Variants in ZNRF2 observed in about 807,000 individuals in gnomAD.
The protein encoded by ZNRF2 is E3 ubiquitin-protein ligase ZNRF2.
A neutral mutation model predicts 20.4 loss-of-function variants in ZNRF2; 16 were observed. That is an observed-to-expected ratio of 0.79 (90% CI 0.53 to 1.19). The LOEUF (loss-of-function observed/expected upper bound fraction) is 1.19. ZNRF2 is among the 50% of genes most tolerant of loss of function. The probability of loss-of-function intolerance (pLI) is 0.00; values close to 1 mark genes in which losing one functional copy is unlikely to be tolerated. For missense variants in ZNRF2, 363 were observed against 332.4 expected (o/e 1.09, Z -0.72); for synonymous variants, 178 against 144.9 (o/e 1.23, Z -1.64).
intron 3 of ZNRF2, among the ~76,000 whole-genome samples, chr7:30,356,699 ATTTTTTTTTTTTTTT>A: frequency 1.4e-5 from 1 of 73,232 alleles, no homozygotes; most frequent in South Asian, 5.5e-4. Flanking sequence ...ATAACATTGT[ATTTTTTTTTTTTTTT>A]TTTTTTTTTG....
intron 2 of ZNRF2, among the ~76,000 whole-genome samples, chr7:30,346,157 T>C (rs1389821918): frequency 6.7e-6 from 1 of 149,386 alleles, no homozygotes; most frequent in Middle Eastern, 3.4e-3. Flanking sequence ...TTTTTTTTTT[T>C]CTGTTAAGTC....
chr7:30,340,503 A>G (rs1186243557), intron 2 of ZNRF2, among the ~76,000 whole-genome samples: 3 of 152,156 alleles, frequency 2.0e-5, no homozygotes, highest in Non-Finnish European at 4.4e-5. Context: ...TGAGATAATC[A>G]TGTGGTTTTT....
At chr7:30,301,600 A>G (rs1799115215) in intron 1 of ZNRF2, among the ~76,000 whole-genome samples, 1 of 151,356 alleles carries the variant, frequency 6.6e-6, no homozygotes, top group Non-Finnish European at 1.5e-5. Flanking sequence ...GGCACTGGGC[A>G]TGGTACTCTG....
chr7:30,340,155 C>T (rs966950944), intron 2 of ZNRF2, among the ~76,000 whole-genome samples: 4 of 152,114 alleles, frequency 2.6e-5, no homozygotes, highest in African/African-American at 4.8e-5. Flanking sequence ...TGGGCTGAGA[C>T]GATGGGGTTT....
At chr7:30,326,759 T>C (rs572980199) in intron 2 of ZNRF2, among the ~76,000 whole-genome samples, 1 of 152,292 alleles carries the variant, frequency 6.6e-6, no homozygotes, top group Non-Finnish European at 1.5e-5. Context: ...ACCAACAGTG[T>C]GTTAAGTGTT....
intron 1 of ZNRF2, among the ~76,000 whole-genome samples, chr7:30,302,167 T>C (rs1476938688): frequency 1.3e-5 from 2 of 152,222 alleles, no homozygotes; most frequent in Non-Finnish European, 2.9e-5. Context: ...TAAAAATTAC[T>C]GTATGTAGCA....
At chr7:30,299,254 A>G (rs968522731) in intron 1 of ZNRF2, among the ~76,000 whole-genome samples, 1 of 152,032 alleles carries the variant, frequency 6.6e-6, no homozygotes. Context: ...ATGGTGAAAC[A>G]CTGTCTCTAC....
At chr7:30,344,711 A>C (rs757111175) in intron 2 of ZNRF2, among the ~76,000 whole-genome samples, 5 of 152,108 alleles carry the variant, frequency 3.3e-5, no homozygotes, top group Non-Finnish European at 7.3e-5. Context: ...GTTTTTTCAG[A>C]TGTCTCTTGG....
intron 1 of ZNRF2, among the ~76,000 whole-genome samples, chr7:30,294,681 G>T (rs1241896936): frequency 6.6e-6 from 1 of 151,960 alleles, no homozygotes; most frequent in Admixed American, 6.6e-5. Context: ...TTACTAGGGG[G>T]TGCTGAGGCA....
intron 3 of ZNRF2, among the ~76,000 whole-genome samples, chr7:30,356,389 A>G (rs561154577): frequency 6.6e-6 from 1 of 152,280 alleles, no homozygotes; most frequent in South Asian, 2.1e-4. Context: ...ACTTAGAGAA[A>G]ACAGAGGAAA....
chr7:30,316,510 A>G (rs1048792982), intron 1 of ZNRF2, among the ~76,000 whole-genome samples: 4 of 152,110 alleles, frequency 2.6e-5, no homozygotes, highest in Non-Finnish European at 5.9e-5. Flanking sequence ...TTAGCTATTT[A>G]GCCTGGTAAA....
At chr7:30,285,959 G>A (rs1379030084) in intron 1 of ZNRF2, 133 bp downstream of exon 1, 12 of 1,318,782 alleles carry the variant, frequency 9.1e-6, no homozygotes, top group Non-Finnish European at 1.2e-5. Context: ...GGACCAGCCC[G>A]CGTCGGTCTC....
At chr7:30,336,946 C>G (rs886864054) in intron 2 of ZNRF2, among the ~76,000 whole-genome samples, 1 of 152,030 alleles carries the variant, frequency 6.6e-6, no homozygotes, top group African/African-American at 2.4e-5. Flanking sequence ...GTGTAATTCC[C>G]ATAAATTGAA....
intron 1 of ZNRF2, among the ~76,000 whole-genome samples, chr7:30,296,787 T>G (rs147648608): frequency 0.019 from 2,884 of 152,350 alleles, 44 homozygotes; most frequent in Non-Finnish European, 0.026. Flanking sequence ...AATATTATTA[T>G]TGGCCACTTT....
chr7:30,350,667 TTTA>T (rs1799948529), intron 2 of ZNRF2, among the ~76,000 whole-genome samples: 4 of 152,186 alleles, frequency 2.6e-5, no homozygotes, highest in African/African-American at 9.6e-5. Context: ...TCTGAAAGTA[TTTA>T]TTATTAAAAC....
intron 1 of ZNRF2, among the ~76,000 whole-genome samples, chr7:30,292,506 AACAG>A (rs951637189): frequency 5.9e-4 from 90 of 152,304 alleles, no homozygotes; most frequent in African/African-American, 2.0e-3. Flanking sequence ...AGAGATAGTA[AACAG>A]ACAAGTAAAA....
chr7:30,286,835 A>C (rs2128053548), intron 1 of ZNRF2, among the ~76,000 whole-genome samples: 1 of 152,374 alleles, frequency 6.6e-6, no homozygotes, highest in East Asian at 1.9e-4. Context: ...AACTGAGCAC[A>C]GATGAGCAGC....
At position 30,284,704 on chromosome 7, in the gene ZNRF2, A is replaced by C; in HGVS notation, c.-654A>C. The C allele has an allele frequency of 5.7e-6, 1 of 174,024 alleles. No individual in the cohort carries two copies. The highest frequency in any genetic ancestry group is 8.3e-5 in the South Asian group (1 of 12,036). 10.8% of individuals were successfully genotyped at this position (174,024 alleles called of 1,614,324 possible). The stretch of plus-strand genomic sequence containing the variant: ...CGCACCCCCCGCCTTCGCGGCCCAG[A>C]TCCTCCCGCCAGCCCGGCCCCTCCT... On this transcript the variant is annotated 5_prime_UTR_variant, in exon 1 of 5. Coordinates refer to ENST00000323037, the MANE Select transcript of ZNRF2 (RefSeq NM_147128.4).
chr7:30,347,082 C>T (rs545022351), intron 2 of ZNRF2, among the ~76,000 whole-genome samples: 158 of 152,022 alleles, frequency 1.0e-3, no homozygotes, highest in African/African-American at 3.5e-3. Context: ...TTATTCTGTC[C>T]CTATAGTAGG....
Sources: gnomAD v4.1 joint callset for allele counts (sites outside exome capture counted in the v4.1 genomes callset) on GRCh38, gnomAD v4.1.1 for gene constraint, MANE v1.5 for transcripts, NCBI Gene and HGNC (gene_info 2026-07-23, HGNC 2026-07-21) for gene names.